Variants in PRKCB observed in about 807,000 individuals in gnomAD.
The protein encoded by PRKCB is protein kinase C beta type.
Under a neutral mutation model 81.5 loss-of-function variants are expected in PRKCB, and 13 were observed. The ratio of observed to expected loss-of-function variants is 0.16; its 90% CI spans 0.10 to 0.25. The LOEUF (loss-of-function observed/expected upper bound fraction) is 0.25. PRKCB is among the 10% of genes least tolerant of loss of function. PRKCB has a pLI of 1.00. For synonymous variants in PRKCB, 335 were observed against 321.4 expected (o/e 1.04, Z -0.45); for missense variants, 509 against 875.7 (o/e 0.58, Z 5.29).
chr16:24,207,951 CAG>C lies in PRKCB; in HGVS notation c.1864-6706_1864-6705del, dbSNP rs529956102. On this transcript the variant is annotated intron_variant, in intron 16 of 16. Transcript: ENST00000643927. ...ACTTCAGTATGGCTGGAGGGTGTCT[CAG>C]GGGGTGGGGGACACAGGCAGGGAAG... Among the ~76,000 whole-genome samples, 46 of 152,150 alleles carry C rather than the reference CAG, an allele frequency of 3.0e-4. No individual in the cohort carries two copies. The East Asian group carries it at 8.7e-3, about 29-fold the overall frequency.
At chr16:24,136,659 G>C (rs1406174253) in intron 9 of PRKCB, among the ~76,000 whole-genome samples, 1 of 152,100 alleles carries the variant, frequency 6.6e-6, no homozygotes, top group East Asian at 1.9e-4. Flanking sequence ...AAAAACTGAT[G>C]GGCCAGTGTG....
rs754577028 is a variant in PRKCB at position 24,003,246 on chromosome 16, G to A, written c.288+14656G>A. 3.9e-5 allele frequency among the ~76,000 whole-genome samples: 6 copies of A among 152,094 alleles called. No homozygotes were observed. In the South Asian group the frequency reaches 6.2e-4, roughly 16 times the overall value. On this transcript the variant is annotated intron_variant, in intron 3 of 16. Transcript: ENST00000643927. The stretch of plus-strand genomic sequence containing the variant: ...CTTTAGTATGCCATCTGTTTCCTGC[G>A]GGGCCCCTGACTGATGCATCTGCTT...
intron 2 of PRKCB, among the ~76,000 whole-genome samples, chr16:23,900,764 A>G (rs1405340625): frequency 2.0e-5 from 2 of 99,144 alleles, no homozygotes; most frequent in South Asian, 3.5e-4. Context: ...GCTGTCCCAT[A>G]CGGTCTTCTG....
intron 2 of PRKCB, among the ~76,000 whole-genome samples, chr16:23,896,477 C>T (rs1963381234): frequency 6.6e-6 from 1 of 152,046 alleles, no homozygotes; most frequent in Non-Finnish European, 1.5e-5. Context: ...AAATTAGAGA[C>T]ACAAAAATAG....
At chr16:23,966,256 C>T (rs1293031257) in intron 2 of PRKCB, among the ~76,000 whole-genome samples, 2 of 152,202 alleles carry the variant, frequency 1.3e-5, no homozygotes, top group African/African-American at 4.8e-5. Context: ...AGGACTGGAG[C>T]CCTGGAGACT....
At chr16:24,003,654 G>A (rs1965071632) in intron 3 of PRKCB, among the ~76,000 whole-genome samples, 1 of 152,124 alleles carries the variant, frequency 6.6e-6, no homozygotes, top group South Asian at 2.1e-4. Context: ...CAAAGTGCTA[G>A]GATTACAGGC....
chr16:24,160,384 T>C (rs1366859949), intron 10 of PRKCB, among the ~76,000 whole-genome samples: 3 of 152,028 alleles, frequency 2.0e-5, no homozygotes, highest in Non-Finnish European at 2.9e-5. Context: ...GGGGATGTCC[T>C]TGAAAATGGT....
chr16:23,989,063 C>G (rs1167240668), intron 3 of PRKCB, among the ~76,000 whole-genome samples: 1 of 152,108 alleles, frequency 6.6e-6, no homozygotes, highest in Non-Finnish European at 1.5e-5. Context: ...TGGGTTCATG[C>G]CATTCTCCTG....
At chr16:24,079,168 A>G (rs1966217922) in intron 5 of PRKCB, among the ~76,000 whole-genome samples, 1 of 152,182 alleles carries the variant, frequency 6.6e-6, no homozygotes, top group South Asian at 2.1e-4. Context: ...TACTTTGTAC[A>G]CCTATCCCAA....
At chr16:23,875,894 C>T (rs1034159055) in intron 2 of PRKCB, among the ~76,000 whole-genome samples, 1 of 151,938 alleles carries the variant, frequency 6.6e-6, no homozygotes, top group Non-Finnish European at 1.5e-5. Context: ...GAAAAAGTGT[C>T]GTAACTGACA....
intron 2 of PRKCB, among the ~76,000 whole-genome samples, chr16:23,986,234 T>C (rs192545590): frequency 2.9e-3 from 435 of 152,280 alleles, no homozygotes; most frequent in African/African-American, 0.01. Context: ...GAATACATAG[T>C]AGTTTTTATA....
chr16:23,860,058 GA>G (rs1390598669), intron 2 of PRKCB, among the ~76,000 whole-genome samples: 2 of 152,012 alleles, frequency 1.3e-5, no homozygotes, highest in African/African-American at 2.4e-5. Context: ...TTGTGAAGCA[GA>G]AAAAAAGAGG....
intron 16 of PRKCB, among the ~76,000 whole-genome samples, chr16:24,205,857 T>C (rs1968038769): frequency 6.6e-6 from 1 of 152,196 alleles, no homozygotes; most frequent in Non-Finnish European, 1.5e-5. Flanking sequence ...CCAGATTTTA[T>C]TTCTGTTAAA....
intron 2 of PRKCB, among the ~76,000 whole-genome samples, chr16:23,838,620 G>A (rs1448234882): frequency 6.6e-6 from 1 of 152,216 alleles, no homozygotes; most frequent in Non-Finnish European, 1.5e-5. Context: ...AGAGTCTGAC[G>A]TGATTTAGCA....
At chr16:24,016,954 G>A (rs1965288069) in intron 3 of PRKCB, among the ~76,000 whole-genome samples, 1 of 152,226 alleles carries the variant, frequency 6.6e-6, no homozygotes, top group Non-Finnish European at 1.5e-5. Flanking sequence ...ACTGTCCACT[G>A]AGCTGGTGCT....
chr16:24,182,063 C>A (rs1967635304), intron 13 of PRKCB, among the ~76,000 whole-genome samples: 1 of 152,012 alleles, frequency 6.6e-6, no homozygotes, highest in South Asian at 2.1e-4. Flanking sequence ...TTACTCGGAC[C>A]CAGTGAAGTT....
At position 24,193,456 on chromosome 16, in the gene PRKCB, T is replaced by TAAATAAATA. The variant is rs1197907931; in HGVS notation, c.1863+2229_1863+2237dup. 3.8e-3 allele frequency among the ~76,000 whole-genome samples: 238 copies of TAAATAAATA among 62,532 alleles called. 5 individuals are homozygous for TAAATAAATA. Among genetic ancestry groups the TAAATAAATA allele is most frequent in the Middle Eastern group, 0.035 (5 of 142 alleles). The allele number at this position is 62,532 out of a possible 152,430, so 41.0% of individuals were successfully genotyped here. A position where few individuals can be genotyped will look rare whatever the true frequency, so the allele number is the denominator to read the frequency against. On this transcript the variant is annotated intron_variant, in intron 16 of 16. Transcript: ENST00000643927. ...TGAGACTCCATCTCAAATAAATAAA[T>TAAATAAATA]AAATAAATAAATAAATAAATAAATA...
At position 24,218,902 on chromosome 16, in the gene PRKCB, C is replaced by T. The variant is rs1033408076; in HGVS notation, c.*4086C>T. On this transcript the variant is annotated 3_prime_UTR_variant, in exon 17 of 17. Transcript: ENST00000643927. ...GACTGTGATGAGGCCTACATAGCAG[C>T]GATGTGGTCAGGTAAAAATCAGGAA... 110 of 985,278 alleles carry T rather than the reference C, an allele frequency of 1.1e-4. No individual in the cohort carries two copies. Among genetic ancestry groups the T allele is most frequent in the Non-Finnish European group, 1.3e-4 (105 of 829,980 alleles). 61.0% of individuals were successfully genotyped at this position (985,278 alleles called of 1,614,324 possible).
At chr16:24,089,394 G>A (rs918268670) in intron 5 of PRKCB, among the ~76,000 whole-genome samples, 1 of 152,086 alleles carries the variant, frequency 6.6e-6, no homozygotes, top group Non-Finnish European at 1.5e-5. Context: ...AGTAAACATC[G>A]AATGCATTGT....
Sources: gnomAD v4.1 joint callset for allele counts (sites outside exome capture counted in the v4.1 genomes callset) on GRCh38, gnomAD v4.1.1 for gene constraint, MANE v1.5 for transcripts, NCBI Gene and HGNC (gene_info 2026-07-23, HGNC 2026-07-21) for gene names.